Variants in CTNND2 observed in about 807,000 individuals in gnomAD.
The protein encoded by CTNND2 is catenin delta 2.
CTNND2 carries 22 observed loss-of-function variants against 144.4 expected under a neutral mutation model. That is an observed-to-expected ratio of 0.15 (90% CI 0.11 to 0.22). CTNND2 has a LOEUF of 0.22. CTNND2 is among the 10% of genes least tolerant of loss of function. The pLI is 1.00. For synonymous variants in CTNND2, 751 were observed against 695.6 expected (o/e 1.08, Z -1.25); for missense variants, 1,353 against 1,618.8 (o/e 0.84, Z 2.82).
chr5:11,131,615 G>A (rs1294548853), intron 12 of CTNND2, among the ~76,000 whole-genome samples: 3 of 152,004 alleles, frequency 2.0e-5, no homozygotes, highest in African/African-American at 4.8e-5. Context: ...GTGAAATCCC[G>A]TCTCTACTAA....
At position 11,292,166 on chromosome 5, in the gene CTNND2, C is replaced by T. The variant is rs576530485; in HGVS notation, c.1628+54206G>A. On this transcript the variant is annotated intron_variant, in intron 9 of 21. Coordinates refer to ENST00000304623, the MANE Select transcript of CTNND2 (RefSeq NM_001332.4). ...AATAAAACAACAATAACAAACCTTA[C>T]ATCTATTGAGGATCTACTAAATTAT... Among the ~76,000 whole-genome samples, 20 of 152,278 alleles carry T rather than the reference C, an allele frequency of 1.3e-4. No individual in the cohort carries two copies. In the South Asian group the frequency reaches 3.9e-3, roughly 30 times the overall value.
At chr5:11,124,153 A>T (rs1347216735) in intron 12 of CTNND2, among the ~76,000 whole-genome samples, 1 of 152,132 alleles carries the variant, frequency 6.6e-6, no homozygotes, top group African/African-American at 2.4e-5. Flanking sequence ...CAGTAACAAG[A>T]TCTCCAGAAC....
chr5:11,557,526 C>T (rs183365885), intron 3 of CTNND2, among the ~76,000 whole-genome samples: 1 of 152,270 alleles, frequency 6.6e-6, no homozygotes, highest in Admixed American at 6.5e-5. Context: ...TCTTCAAAGC[C>T]AGCACCAGAT....
intron 9 of CTNND2, among the ~76,000 whole-genome samples, chr5:11,282,087 C>T (rs1747195643): frequency 1.3e-5 from 2 of 152,058 alleles, no homozygotes; most frequent in Admixed American, 6.6e-5. Context: ...ATTGGAGAAT[C>T]CACTCTCACG....
chr5:11,125,424 C>T lies in CTNND2; in HGVS notation c.2160-7857G>A, dbSNP rs113715589. Among the ~76,000 whole-genome samples the T allele has an allele frequency of 2.8e-3, 424 of 152,366 alleles. 4 individuals are homozygous for T. Among genetic ancestry groups the T allele is most frequent in the African/African-American group, 9.6e-3 (400 of 41,598 alleles). Reference sequence around the variant, plus strand: ...GTACCTGCTGCGGTGCACATAGCTGCGCTACTTAGCTGTGAAGGCGCTTTC... The same window carrying T: ...GTACCTGCTGCGGTGCACATAGCTGTGCTACTTAGCTGTGAAGGCGCTTTC... On this transcript the variant is annotated intron_variant, in intron 12 of 21. Coordinates refer to ENST00000304623, the MANE Select transcript of CTNND2 (RefSeq NM_001332.4).
At chr5:11,683,714 ATCTC>A (rs1784521984) in intron 2 of CTNND2, among the ~76,000 whole-genome samples, 1 of 152,214 alleles carries the variant, frequency 6.6e-6, no homozygotes, top group South Asian at 2.1e-4. Flanking sequence ...TGAGTTTCTC[ATCTC>A]TCTCCTTCAA....
intron 16 of CTNND2, among the ~76,000 whole-genome samples, chr5:11,063,113 A>C (rs1265495345): frequency 6.6e-6 from 1 of 152,188 alleles, no homozygotes; most frequent in African/African-American, 2.4e-5. Flanking sequence ...AATGCATAAG[A>C]AGTTCAAAGA....
intron 2 of CTNND2, among the ~76,000 whole-genome samples, chr5:11,587,967 T>C (rs1427810697): frequency 6.6e-6 from 1 of 152,116 alleles, no homozygotes; most frequent in Non-Finnish European, 1.5e-5. Flanking sequence ...TATGAAGCCA[T>C]TGTAAATTTT....
intron 1 of CTNND2, among the ~76,000 whole-genome samples, chr5:11,856,468 G>A (rs13190300): frequency 6.6e-6 from 1 of 152,094 alleles, no homozygotes; most frequent in Non-Finnish European, 1.5e-5. Flanking sequence ...TGACAAACTC[G>A]GCTCAGGATG....
At chr5:10,996,575 G>C (rs944276080) in intron 18 of CTNND2, among the ~76,000 whole-genome samples, 3 of 152,012 alleles carry the variant, frequency 2.0e-5, no homozygotes, top group African/African-American at 7.2e-5. Context: ...TTTGCGAAAC[G>C]GACACAGGGG....
chr5:11,496,871 G>A (rs1206263085), intron 3 of CTNND2, among the ~76,000 whole-genome samples: 1 of 151,860 alleles, frequency 6.6e-6, no homozygotes, highest in Non-Finnish European at 1.5e-5. Context: ...CAGGACTGGT[G>A]ACATGGTGTG....
chr5:11,794,769 T>C (rs561258248), intron 1 of CTNND2, among the ~76,000 whole-genome samples: 1 of 152,250 alleles, frequency 6.6e-6, no homozygotes, highest in East Asian at 1.9e-4. Context: ...AAATAAATGC[T>C]TAGGATCCAA....
chr5:11,753,697 G>A (rs1218969205), intron 1 of CTNND2, among the ~76,000 whole-genome samples: 2 of 151,862 alleles, frequency 1.3e-5, no homozygotes, highest in African/African-American at 4.8e-5. Flanking sequence ...GAATAAGTTA[G>A]GGAGGAGTCT....
chr5:11,441,004 AAGAC>A (rs767343353), intron 3 of CTNND2, among the ~76,000 whole-genome samples: 7 of 152,348 alleles, frequency 4.6e-5, no homozygotes, highest in Non-Finnish European at 8.8e-5. Flanking sequence ...TAGTTGCAGA[AAGAC>A]AGAGTTTTGG....
Position 11,732,195 on chromosome 5 carries a change from T to A in CTNND2, c.115A>T (p.Asn39Tyr), listed in dbSNP as rs142951198. The A allele has an allele frequency of 1.1e-5, 17 of 1,613,896 alleles. No homozygotes were observed. Among genetic ancestry groups the A allele is most frequent in the Admixed American group, 1.7e-5 (1 of 59,996 alleles). The change falls in exon 2 of 22, where the codon AAC (asparagine) becomes TAC (tyrosine). Residue 39 changes from asparagine (N) to tyrosine (Y), a missense_variant. This residue lies in a region of CTNND2 where 708 missense variants were observed against 706.4 expected (regional missense o/e 1.00). Coordinates refer to ENST00000304623, the MANE Select transcript of CTNND2 (RefSeq NM_001332.4). ...GTTTCTGTTTCAGAGCCATCCCCGT[T>A]GGAGGTGTTTAAGCCGGGGCTCAGG... ...SSLSPGLNTSNGDGSETETTS... is the reference protein window; with the variant it reads ...SSLSPGLNTSYGDGSETETTS...
intron 17 of CTNND2, among the ~76,000 whole-genome samples, chr5:11,020,229 T>TTG (rs566481071): frequency 2.6e-5 from 4 of 152,100 alleles, no homozygotes; most frequent in Non-Finnish European, 5.9e-5. Flanking sequence ...ACATTTAAGC[T>TTG]TGTATATATA....
At chr5:11,466,745 G>A (rs1278651802) in intron 3 of CTNND2, among the ~76,000 whole-genome samples, 2 of 152,194 alleles carry the variant, frequency 1.3e-5, no homozygotes, top group Non-Finnish European at 2.9e-5. Flanking sequence ...TGGGGGTTCT[G>A]TAGGACCATC....
intron 11 of CTNND2, among the ~76,000 whole-genome samples, chr5:11,199,050 T>G (rs1737157338): frequency 6.6e-6 from 1 of 152,230 alleles, no homozygotes; most frequent in African/African-American, 2.4e-5. Flanking sequence ...CTAAGTAGGA[T>G]AAGCCGTCTG....
At chr5:11,271,776 G>C (rs571384098) in intron 9 of CTNND2, among the ~76,000 whole-genome samples, 1 of 152,322 alleles carries the variant, frequency 6.6e-6, no homozygotes, top group African/African-American at 2.4e-5. Flanking sequence ...GGCTGAATGA[G>C]AAATGAGTGG....
Sources: gnomAD v4.1 joint callset for allele counts (sites outside exome capture counted in the v4.1 genomes callset) on GRCh38, gnomAD v4.1.1 for gene constraint, gnomAD v4.1.1 regional missense constraint, MANE v1.5 for transcripts, NCBI Gene and HGNC (gene_info 2026-07-23, HGNC 2026-07-21) for gene names.